Variants in OR9Q1 observed in about 807,000 individuals in gnomAD.
The protein encoded by OR9Q1 is olfactory receptor 9Q1.
For missense variants in OR9Q1, 374 were observed against 378.8 expected, an observed-to-expected ratio of 0.99 and a Z score of 0.11; for synonymous variants, 153 against 148.6, an observed-to-expected ratio of 1.03 and a Z score of -0.22.
chr11:58,085,770 T>A (rs1853628299), intron 2 of OR9Q1, among the ~76,000 whole-genome samples: 1 of 152,018 alleles, frequency 6.6e-6, no homozygotes, highest in African/African-American at 2.4e-5. Flanking sequence ...ATAATATTTT[T>A]AAAAATGTCA....
chr11:58,157,266 T>C (rs746431457), intron 2 of OR9Q1, among the ~76,000 whole-genome samples: 43 of 152,288 alleles, frequency 2.8e-4, no homozygotes, highest in Admixed American at 9.2e-4. Context: ...GACATTCAGA[T>C]CTCAGCTCAC....
intron 2 of OR9Q1, among the ~76,000 whole-genome samples, chr11:58,135,988 C>T (rs567523352): frequency 1.2e-4 from 18 of 152,286 alleles, no homozygotes; most frequent in East Asian, 9.6e-4. Context: ...TGCCTGAAGA[C>T]GACAGATGGG....
At chr11:58,138,636 C>T (rs548100894) in intron 2 of OR9Q1, among the ~76,000 whole-genome samples, 16 of 152,078 alleles carry the variant, frequency 1.1e-4, no homozygotes, top group South Asian at 2.1e-4. Flanking sequence ...TACAATCATA[C>T]GTGTATTTTT....
In OR9Q1 at chr11:58,087,179, G is replaced by A. The variant is rs567903257; in HGVS notation, c.-15+31232G>A. Among the ~76,000 whole-genome samples the A allele has an allele frequency of 4.3e-3, 658 of 151,622 alleles. 4 individuals carry two copies. Among genetic ancestry groups the A allele is most frequent in the Non-Finnish European group, 7.3e-3 (497 of 67,916 alleles). On this transcript the variant is annotated intron_variant, in intron 2 of 2. Transcript: ENST00000335397. The stretch of plus-strand genomic sequence containing the variant: ...CTATCAGACAAGAAAAATAAAAAAT[G>A]TCATTTTTGAAGTATAACATTCAGA...
chr11:58,112,233 C>T (rs1007873397), intron 2 of OR9Q1, among the ~76,000 whole-genome samples: 8 of 151,644 alleles, frequency 5.3e-5, no homozygotes, highest in Non-Finnish European at 1.5e-5. Context: ...GTGGAGGTTG[C>T]AGTGAGCTGA....
chr11:58,175,512 C>G (rs933184214), intron 2 of OR9Q1, among the ~76,000 whole-genome samples: 1 of 152,162 alleles, frequency 6.6e-6, no homozygotes, highest in Non-Finnish European at 1.5e-5. Flanking sequence ...TGATTGTTTA[C>G]TACTATCCCC....
At chr11:58,060,531 T>C (rs925903934) in intron 2 of OR9Q1, among the ~76,000 whole-genome samples, 15 of 151,786 alleles carry the variant, frequency 9.9e-5, no homozygotes, top group African/African-American at 3.1e-4. Context: ...CAGTGTAGAG[T>C]GTGATTTCTG....
At chr11:58,045,349 C>T (rs1295063615) in intron 1 of OR9Q1, 1 of 152,350 alleles carries the variant, frequency 6.6e-6, no homozygotes, top group African/African-American at 2.4e-5. Flanking sequence ...TCTCCTGCCT[C>T]AGCCTCCCAA....
intron 2 of OR9Q1, among the ~76,000 whole-genome samples, chr11:58,057,508 C>T (rs1853339777): frequency 6.6e-6 from 1 of 152,162 alleles, no homozygotes; most frequent in Non-Finnish European, 1.5e-5. Flanking sequence ...GAGGAAAACA[C>T]CACCTCCCTT....
Position 58,055,349 on chromosome 11 carries a change from G to A in OR9Q1, c.-92-521G>A, listed in dbSNP as rs139994604. Among the ~76,000 whole-genome samples the A allele has an allele frequency of 7.2e-4, 110 of 152,208 alleles. 1 individual carries two copies. In the East Asian group the frequency reaches 0.018, roughly 24 times the overall value. Reference sequence around the variant, plus strand: ...ATTACCTAAAAGCCTTCTTAAAGAAGCTGAGCCTAGTTTGAAGATCTTTGC... The same window carrying A: ...ATTACCTAAAAGCCTTCTTAAAGAAACTGAGCCTAGTTTGAAGATCTTTGC... On this transcript the variant is annotated intron_variant, in intron 1 of 2. Coordinates refer to ENST00000335397, the MANE Select transcript of OR9Q1 (RefSeq NM_001005212.4).
intron 2 of OR9Q1, among the ~76,000 whole-genome samples, chr11:58,103,515 T>A (rs376478490): frequency 6.6e-6 from 1 of 152,212 alleles, no homozygotes; most frequent in Non-Finnish European, 1.5e-5. Flanking sequence ...TGTTGAATTA[T>A]ATATTTATAT....
intron 1 of OR9Q1, among the ~76,000 whole-genome samples, chr11:58,038,972 CTTT>C (rs928715677): frequency 3.9e-5 from 6 of 151,916 alleles, no homozygotes; most frequent in Admixed American, 6.6e-5. Context: ...GAATCTTCTT[CTTT>C]ATTTTTAAAT....
At chr11:58,169,333 T>C (rs1460354103) in intron 2 of OR9Q1, among the ~76,000 whole-genome samples, 1 of 152,166 alleles carries the variant, frequency 6.6e-6, no homozygotes, top group East Asian at 1.9e-4. Context: ...TTAAGATTTG[T>C]TTTTAAGCTC....
At chr11:58,065,772 A>G (rs1476007386) in intron 2 of OR9Q1, among the ~76,000 whole-genome samples, 1 of 152,334 alleles carries the variant, frequency 6.6e-6, no homozygotes, top group East Asian at 1.9e-4. Flanking sequence ...ATTGAGACCC[A>G]GAGAGAGAAA....
At chr11:58,095,363 C>T (rs993170233) in intron 2 of OR9Q1, among the ~76,000 whole-genome samples, 1 of 152,208 alleles carries the variant, frequency 6.6e-6, no homozygotes, top group African/African-American at 2.4e-5. Flanking sequence ...GAAATTAGCC[C>T]TCCCTAGATC....
intron 2 of OR9Q1, among the ~76,000 whole-genome samples, chr11:58,153,904 C>G (rs551269573): frequency 6.6e-6 from 1 of 152,242 alleles, no homozygotes; most frequent in Admixed American, 6.5e-5. Flanking sequence ...GGAAGGCTTT[C>G]TCTGGAATTA....
At chr11:58,142,603 C>T (rs183532395) in intron 2 of OR9Q1, among the ~76,000 whole-genome samples, 58 of 152,266 alleles carry the variant, frequency 3.8e-4, no homozygotes, top group Admixed American at 3.3e-3. Context: ...TATTCTTTAT[C>T]TAAAGTCCTA....
At chr11:58,025,046 A>G (rs956443549) in intron 1 of OR9Q1, among the ~76,000 whole-genome samples, 2 of 152,172 alleles carry the variant, frequency 1.3e-5, no homozygotes, top group Non-Finnish European at 2.9e-5. Context: ...AGTGATTTCA[A>G]TTGCGTGAAA....
chr11:58,138,261 G>C (rs1171206693), intron 2 of OR9Q1, among the ~76,000 whole-genome samples: 1 of 152,156 alleles, frequency 6.6e-6, no homozygotes, highest in African/African-American at 2.4e-5. Flanking sequence ...TCCCCAGCTG[G>C]GGCTGCCTGA....
Sources: allele counts gnomAD v4.1 joint callset (sites outside exome capture counted in the v4.1 genomes callset), GRCh38; gene constraint gnomAD v4.1.1; transcripts MANE v1.5; gene names NCBI Gene and HGNC (gene_info 2026-07-23, HGNC 2026-07-21).